Variants in PDE10A observed in about 807,000 individuals in gnomAD.
The protein encoded by PDE10A is phosphodiesterase 10A.
Under a neutral mutation model 97.7 loss-of-function variants are expected in PDE10A, and 39 were observed. The observed-to-expected ratio is 0.40, with a 90% CI of 0.31 to 0.52. The LOEUF is 0.52. PDE10A is among the 20% of genes least tolerant of loss of function. The probability of loss-of-function intolerance (pLI) is 0.56; values close to 1 mark genes in which losing one functional copy is unlikely to be tolerated. For missense variants in PDE10A, 731 were observed against 1,047.8 expected (o/e 0.70, Z 4.17); for synonymous variants, 371 against 376.8 (o/e 0.98, Z 0.18).
chr6:165,473,078 C>T (rs1779104695), intron 3 of PDE10A, among the ~76,000 whole-genome samples: 1 of 151,966 alleles, frequency 6.6e-6, no homozygotes, highest in Admixed American at 6.6e-5. Context: ...TAAATATCTA[C>T]CAATAGAATG....
At position 165,936,757 on chromosome 6, in the gene PDE10A, C is replaced by T. The variant is rs568352464; in HGVS notation, c.-615+50772G>A. ...ATGTTGGCAAAAGAAAGGCAGCCAA[C>T]GTTGATGGAGAATGAGTAGAGACTT... On this transcript the variant is annotated intron_variant, in intron 1 of 19. Coordinates refer to the PDE10A transcript ENST00000366882. Among the ~76,000 whole-genome samples the T allele has an allele frequency of 1.5e-4, 23 of 152,284 alleles. 1 individual carries two copies. In the South Asian group the frequency reaches 3.7e-3, roughly 25 times the overall value.
rs369730730 is a variant in PDE10A at position 165,943,346 on chromosome 6, G to GAAAAGA, written c.-615+44182_-615+44183insTCTTTT. Among the ~76,000 whole-genome samples the GAAAAGA allele has an allele frequency of 7.5e-5, 6 of 79,576 alleles. 1 individual carries two copies. The highest frequency in any genetic ancestry group is 3.3e-4 in the African/African-American group (6 of 18,160). 52.2% of individuals were successfully genotyped at this position (79,576 alleles called of 152,430 possible). ...AAGAAAGAAAAAGAAAGAAAGAAAA[G>GAAAAGA]AGAAAGAAAGAAAGAGAAAGAAAGA... On this transcript the variant is annotated intron_variant, in intron 1 of 19. Coordinates refer to the PDE10A transcript ENST00000366882.
intron 1 of PDE10A, among the ~76,000 whole-genome samples, chr6:165,959,582 T>C (rs1259676109): frequency 6.6e-6 from 1 of 152,202 alleles, no homozygotes; most frequent in African/African-American, 2.4e-5. Context: ...GAAGTCAGCT[T>C]AAAAACTGTT....
intron 2 of PDE10A, among the ~76,000 whole-genome samples, chr6:165,509,208 T>C (rs943772047): frequency 4.6e-5 from 7 of 152,034 alleles, no homozygotes; most frequent in African/African-American, 1.7e-4. Context: ...GAATGTGTCA[T>C]GATCGAGTCA....
chr6:165,934,152 CT>C lies in PDE10A; in HGVS notation c.-615+53376del, dbSNP rs778137427. Among the ~76,000 whole-genome samples the C allele has an allele frequency of 5.0e-3, 545 of 109,170 alleles. 3 individuals are homozygous for C. The highest frequency in any genetic ancestry group is 0.012 in the African/African-American group (323 of 25,962). 71.6% of individuals were successfully genotyped at this position (109,170 alleles called of 152,430 possible). On this transcript the variant is annotated intron_variant, in intron 1 of 19. Transcript: ENST00000366882. The stretch of plus-strand genomic sequence containing the variant: ...GCATGCACCACCATGCCTGGCTGAT[CT>C]TTTTTTTTTTTTTTTTTTGTACTTT...
chr6:165,981,644 T>A (rs1170266724), intron 1 of PDE10A, among the ~76,000 whole-genome samples: 2 of 152,218 alleles, frequency 1.3e-5, no homozygotes, highest in African/African-American at 4.8e-5. Flanking sequence ...CACTGGATGG[T>A]AATGGCCTTT....
At chr6:165,494,497 G>GTAGTATTCCA (rs1439625701) in intron 2 of PDE10A, among the ~76,000 whole-genome samples, 2 of 146,474 alleles carry the variant, frequency 1.4e-5, no homozygotes, top group Non-Finnish European at 3.0e-5. Context: ...AACAAACATA[G>GTAGTATTCCA]TAGTATTCCA....
At chr6:165,956,618 C>A (rs1784140570) in intron 1 of PDE10A, among the ~76,000 whole-genome samples, 2 of 152,288 alleles carry the variant, frequency 1.3e-5, no homozygotes, top group South Asian at 2.1e-4. Flanking sequence ...ATACTCAGGT[C>A]TTTTAAGTTA....
chr6:165,673,497 T>C (rs1790706194), intron 1 of PDE10A, among the ~76,000 whole-genome samples: 1 of 152,250 alleles, frequency 6.6e-6, no homozygotes. Context: ...CTGACCCCTG[T>C]ACCTAGGCAA....
rs536256760 is a variant in PDE10A, at chr6:165,412,990, C to T, written c.2076+511G>A. ...AGAATGCACATTGAACTTCATTTTA[C>T]CCTTCAGTGAACACGGTACAACTTT... On this transcript the variant is annotated intron_variant, in intron 13 of 21. Transcript: ENST00000539869. 6.2e-4 allele frequency among the ~76,000 whole-genome samples: 95 copies of T among 152,136 alleles called. 2 individuals carry two copies. Among genetic ancestry groups the T allele is most frequent in the Non-Finnish European group, 4.9e-4 (33 of 67,982 alleles).
chr6:165,553,151 A>T (rs1784094816), intron 1 of PDE10A, among the ~76,000 whole-genome samples: 1 of 152,192 alleles, frequency 6.6e-6, no homozygotes, highest in Admixed American at 6.5e-5. Context: ...CTTCATGAAC[A>T]TAACAATTTA....
chr6:165,719,738 T>G (rs1387949189), intron 1 of PDE10A, among the ~76,000 whole-genome samples: 1 of 152,244 alleles, frequency 6.6e-6, no homozygotes, highest in Non-Finnish European at 1.5e-5. Flanking sequence ...GAAACTCTAC[T>G]GTCAGTTCTG....
intron 3 of PDE10A, among the ~76,000 whole-genome samples, chr6:165,474,343 A>G (rs1002567032): frequency 1.3e-5 from 2 of 152,246 alleles, no homozygotes; most frequent in Admixed American, 1.3e-4. Context: ...AAGAAATAAC[A>G]TACAAGATAC....
At chr6:165,679,385 C>T (rs1266329838) in intron 1 of PDE10A, among the ~76,000 whole-genome samples, 3 of 152,182 alleles carry the variant, frequency 2.0e-5, no homozygotes, top group Non-Finnish European at 4.4e-5. Flanking sequence ...TGGAAAGAAC[C>T]TTCTTCTAAA....
intron 1 of PDE10A, among the ~76,000 whole-genome samples, chr6:165,896,378 G>A (rs1408637852): frequency 6.7e-6 from 1 of 149,988 alleles, no homozygotes; most frequent in African/African-American, 2.5e-5. Context: ...TTTGGAGATA[G>A]GGTCTTGCTC....
chr6:165,825,384 C>T (rs980336870), intron 1 of PDE10A, among the ~76,000 whole-genome samples: 11 of 152,078 alleles, frequency 7.2e-5, no homozygotes, highest in African/African-American at 4.8e-5. Flanking sequence ...GATCTGAGGG[C>T]CCCGTTAAGT....
chr6:165,374,548 C>G (rs1784488218), intron 18 of PDE10A, among the ~76,000 whole-genome samples: 1 of 151,786 alleles, frequency 6.6e-6, no homozygotes, highest in South Asian at 2.1e-4. Flanking sequence ...AATAAACAAA[C>G]ATAAAAAAAT....
At chr6:165,650,867 A>G (rs1274893332) in intron 1 of PDE10A, among the ~76,000 whole-genome samples, 2 of 151,974 alleles carry the variant, frequency 1.3e-5, no homozygotes, top group Non-Finnish European at 2.9e-5. Context: ...CCTCCCCAGT[A>G]GCTGGGACTA....
At chr6:165,763,987 G>A (rs1353712861) in intron 1 of PDE10A, among the ~76,000 whole-genome samples, 2 of 152,196 alleles carry the variant, frequency 1.3e-5, no homozygotes, top group African/African-American at 2.4e-5. Context: ...ATGAAGAAAC[G>A]GGTTTGAGAT....
Sources: gnomAD v4.1 joint callset for allele counts (sites outside exome capture counted in the v4.1 genomes callset) on GRCh38, gnomAD v4.1.1 for gene constraint, MANE v1.5 for transcripts, NCBI Gene and HGNC (gene_info 2026-07-23, HGNC 2026-07-21) for gene names.